Variants in NELL1 observed in about 807,000 individuals in gnomAD.
NELL1 encodes the protein protein kinase C-binding protein NELL1.
In NELL1, 76 loss-of-function variants were observed where a neutral mutation model predicts 107.4. The ratio of observed to expected loss-of-function variants is 0.71; its 90% confidence interval spans 0.59 to 0.86. The LOEUF (loss-of-function observed/expected upper bound fraction) is 0.86. Ranked by LOEUF, NELL1 falls within the 40% of genes least tolerant of loss-of-function variation. NELL1 has a pLI of 0.00. For missense variants in NELL1, 1,024 were observed against 1,005.5 expected (o/e 1.02, Z -0.25); for synonymous variants, 353 against 341.2 (o/e 1.03, Z -0.38).
At chr11:20,767,358 T>A (rs1856553556) in intron 2 of NELL1, among the ~76,000 whole-genome samples, 1 of 152,202 alleles carries the variant, frequency 6.6e-6, no homozygotes, top group African/African-American at 2.4e-5. Context: ...CACGTCCTGC[T>A]GATTAGTTCA....
chr11:20,977,346 GCTCC>G (rs1851658593), intron 12 of NELL1, among the ~76,000 whole-genome samples: 1 of 149,930 alleles, frequency 6.7e-6, no homozygotes, highest in East Asian at 2.0e-4. Flanking sequence ...CTCACTGCAA[GCTCC>G]GCCTCTCGGG....
intron 12 of NELL1, among the ~76,000 whole-genome samples, chr11:21,041,487 A>G (rs936261493): frequency 8.5e-5 from 13 of 152,120 alleles, no homozygotes; most frequent in African/African-American, 2.7e-4. Context: ...GTTAGTATAT[A>G]TTACCTTATC....
chr11:21,112,268 T>G (rs1276981277), intron 12 of NELL1, among the ~76,000 whole-genome samples: 2 of 152,120 alleles, frequency 1.3e-5, no homozygotes, highest in Non-Finnish European at 2.9e-5. Flanking sequence ...TCTTTAGCTC[T>G]GAAAAGAATC....
intron 9 of NELL1, among the ~76,000 whole-genome samples, chr11:20,935,512 C>T (rs1850705672): frequency 6.6e-6 from 1 of 152,122 alleles, no homozygotes; most frequent in Non-Finnish European, 1.5e-5. Flanking sequence ...AAATGGTGGG[C>T]TGTGAACCTT....
chr11:21,434,072 C>G (rs7107637), intron 15 of NELL1, among the ~76,000 whole-genome samples: 4,450 of 152,170 alleles, frequency 0.029, 225 homozygotes, highest in African/African-American at 0.1. Flanking sequence ...CGTTTGTGGT[C>G]CTTGTATATT....
chr11:21,169,750 C>T, intron 13 of NELL1: 1 of 1,061,684 alleles, frequency 9.4e-7, no homozygotes, highest in Non-Finnish European at 1.3e-6. Flanking sequence ...CAGTCTGACT[C>T]CTAGGCATTG....
At chr11:21,037,108 T>G (rs949594844) in intron 12 of NELL1, among the ~76,000 whole-genome samples, 9 of 152,104 alleles carry the variant, frequency 5.9e-5, no homozygotes, top group Admixed American at 5.9e-4. Context: ...TAATAGAAAT[T>G]TCCACGGTGA....
At chr11:21,424,271 G>A (rs1005736621) in intron 15 of NELL1, among the ~76,000 whole-genome samples, 2 of 152,122 alleles carry the variant, frequency 1.3e-5, no homozygotes, top group African/African-American at 2.4e-5. Context: ...ATCAGAATTG[G>A]AAGTGGGGAC....
At chr11:21,295,653 A>T (rs1161177045) in intron 14 of NELL1, among the ~76,000 whole-genome samples, 1 of 152,020 alleles carries the variant, frequency 6.6e-6, no homozygotes, top group Non-Finnish European at 1.5e-5. Context: ...TTTCTGCAGG[A>T]AGCTGATTAA....
chr11:21,570,418 G>C (rs974006199), intron 17 of NELL1, among the ~76,000 whole-genome samples: 3 of 151,804 alleles, frequency 2.0e-5, no homozygotes, highest in African/African-American at 7.3e-5. Flanking sequence ...ACAGGAGCAT[G>C]ATTTTCCACT....
At chr11:21,529,010 C>A (rs932654425) in intron 15 of NELL1, among the ~76,000 whole-genome samples, 1 of 151,344 alleles carries the variant, frequency 6.6e-6, no homozygotes, top group Non-Finnish European at 1.5e-5. Context: ...AAGGGTCTCT[C>A]ATAATAATTA....
At chr11:20,911,141 A>G (rs905835278) in intron 5 of NELL1, among the ~76,000 whole-genome samples, 2 of 152,232 alleles carry the variant, frequency 1.3e-5, no homozygotes, top group African/African-American at 2.4e-5. Context: ...CTCTGTAGAT[A>G]TAAAGAACTT....
At chr11:21,399,286 C>A (rs1344067225) in intron 15 of NELL1, among the ~76,000 whole-genome samples, 1 of 151,502 alleles carries the variant, frequency 6.6e-6, no homozygotes, top group Admixed American at 6.6e-5. Context: ...TTACTAGTAT[C>A]TAGGCATTTT....
At chr11:20,707,135 T>C (rs1167264835) in intron 2 of NELL1, among the ~76,000 whole-genome samples, 4 of 152,256 alleles carry the variant, frequency 2.6e-5, no homozygotes, top group Admixed American at 2.0e-4. Flanking sequence ...TGATACCCTT[T>C]GTTCCACTTG....
chr11:20,755,108 G>A (rs1475887431), intron 2 of NELL1, among the ~76,000 whole-genome samples: 1 of 152,148 alleles, frequency 6.6e-6, no homozygotes, highest in East Asian at 1.9e-4. Context: ...CCTTTTCCCT[G>A]CAGGGGAGGG....
intron 4 of NELL1, among the ~76,000 whole-genome samples, chr11:20,858,799 C>T (rs558415136): frequency 6.6e-5 from 10 of 152,214 alleles, no homozygotes; most frequent in South Asian, 6.2e-4. Context: ...CACAATTAAC[C>T]GTTTGTAGGG....
intron 13 of NELL1, among the ~76,000 whole-genome samples, chr11:21,163,936 A>G (rs1383541579): frequency 1.3e-5 from 2 of 152,152 alleles, no homozygotes; most frequent in Admixed American, 6.6e-5. Context: ...TCTAACATTC[A>G]TAAGGGTGAG....
chr11:20,707,452 T>C (rs1442199992), intron 2 of NELL1, among the ~76,000 whole-genome samples: 1 of 152,224 alleles, frequency 6.6e-6, no homozygotes, highest in African/African-American at 2.4e-5. Flanking sequence ...CGCTCTGATT[T>C]TGAGAATTTT....
rs184318402 is a variant in NELL1, at chr11:20,709,924, A to G, written c.184+31864A>G. On this transcript the variant is annotated intron_variant, in intron 2 of 19. Coordinates refer to ENST00000357134, the MANE Select transcript of NELL1 (RefSeq NM_006157.5). Reference sequence around the variant, plus strand: ...TGTATCCTGAATCTTTACTGAATTCATTTGTCAGATTTAGGAGCTTTTTGG... The same window carrying G: ...TGTATCCTGAATCTTTACTGAATTCGTTTGTCAGATTTAGGAGCTTTTTGG... Among the ~76,000 whole-genome samples, 479 of 152,232 alleles carry G rather than the reference A, an allele frequency of 3.1e-3. 2 individuals carry two copies. The highest frequency in any genetic ancestry group is 4.9e-3 in the Non-Finnish European group (335 of 68,004).
Sources: allele counts gnomAD v4.1 joint callset (sites outside exome capture counted in the v4.1 genomes callset), GRCh38; gene constraint gnomAD v4.1.1; transcripts MANE v1.5; gene names NCBI Gene and HGNC (gene_info 2026-07-23, HGNC 2026-07-21).